HMGN3: variants seen among roughly 807,000 people sequenced by gnomAD.
HMGN3 encodes high mobility group nucleosomal binding domain 3.
In HMGN3, 6 loss-of-function variants were observed where a neutral mutation model predicts 18.8. The observed-to-expected ratio is 0.32, with a 90% CI of 0.18 to 0.63. HMGN3 has a LOEUF of 0.63. Ranked by LOEUF, HMGN3 falls within the 30% of genes least tolerant of loss-of-function variation. The pLI is 0.79. For missense variants in HMGN3, 107 were observed against 114.2 expected (o/e 0.94, Z 0.29); for synonymous variants, 40 against 36.5 (o/e 1.10, Z -0.35).
At chr6:79,221,626 C>T (rs1243048583) in intron 1 of HMGN3, among the ~76,000 whole-genome samples, 2 of 152,188 alleles carry the variant, frequency 1.3e-5, no homozygotes, top group African/African-American at 4.8e-5. Flanking sequence ...TCCCTCCAAA[C>T]TCAAGAAGGT....
intron 2 of HMGN3, 54 bp from the exon 3 acceptor site, chr6:79,208,630 G>C (rs1776536976): frequency 1.5e-6 from 2 of 1,376,178 alleles, no homozygotes. Flanking sequence ...ATAAAACGAA[G>C]TTGATTTTTA....
At chr6:79,232,272 C>G (rs1582455384) in intron 1 of HMGN3, among the ~76,000 whole-genome samples, 5 of 152,286 alleles carry the variant, frequency 3.3e-5, no homozygotes, top group African/African-American at 2.4e-5. Flanking sequence ...TGGTTCCTCA[C>G]ATAAGTTCCA....
intron 2 of HMGN3, among the ~76,000 whole-genome samples, chr6:79,208,857 T>A (rs889672661): frequency 3.9e-5 from 6 of 152,200 alleles, no homozygotes; most frequent in African/African-American, 1.4e-4. Flanking sequence ...GAAGATCAAC[T>A]TAGGCTTTAT....
At chr6:79,219,418 A>G (rs1777159376) in intron 1 of HMGN3, among the ~76,000 whole-genome samples, 1 of 152,188 alleles carries the variant, frequency 6.6e-6, no homozygotes, top group African/African-American at 2.4e-5. Context: ...ACTTCCAACA[A>G]AGCATTTCTT....
At chr6:79,205,726 T>C (rs1164908693) in intron 3 of HMGN3, among the ~76,000 whole-genome samples, 1 of 151,982 alleles carries the variant, frequency 6.6e-6, no homozygotes, top group Admixed American at 6.5e-5. Context: ...CAGACAGAGG[T>C]TGGAACAGTT....
intron 1 of HMGN3, among the ~76,000 whole-genome samples, chr6:79,230,827 A>G (rs1386626915): frequency 6.6e-6 from 1 of 152,106 alleles, no homozygotes; most frequent in Non-Finnish European, 1.5e-5. Flanking sequence ...AGCCAAATTT[A>G]TCTGTGTTTT....
chr6:79,202,497 T>A (rs1022035504), intron 4 of HMGN3, 108 bp from the exon 5 acceptor site: 8 of 910,018 alleles, frequency 8.8e-6, no homozygotes, highest in African/African-American at 1.6e-5. Flanking sequence ...ACCGTTACCA[T>A]CATGGTGGCC....
At chr6:79,221,187 T>G (rs1178203468) in intron 1 of HMGN3, among the ~76,000 whole-genome samples, 1 of 152,220 alleles carries the variant, frequency 6.6e-6, no homozygotes, top group Admixed American at 6.5e-5. Flanking sequence ...TTTTTTCTAT[T>G]TCTTCAATAT....
intron 1 of HMGN3, chr6:79,234,079 C>G (rs940908153): frequency 3.2e-5 from 5 of 156,040 alleles, no homozygotes; most frequent in Non-Finnish European, 2.8e-5. Context: ...GCCACCGCAG[C>G]GCACCCAGCC....
At chr6:79,202,893 A>G (rs1321345916) in intron 4 of HMGN3, among the ~76,000 whole-genome samples, 1 of 152,178 alleles carries the variant, frequency 6.6e-6, no homozygotes, top group African/African-American at 2.4e-5. Flanking sequence ...TTTTAAGACC[A>G]AACAACAAAA....
chr6:79,234,615 C>G, exon 1 of HMGN3: 1 of 1,587,972 alleles, frequency 6.3e-7, no homozygotes, highest in Non-Finnish European at 8.6e-7. Context: ...CTGCTGGCGC[C>G]GCCGCTGGAT....
In HMGN3 at chr6:79,201,453, C is replaced by A. The variant is rs1001872542; in HGVS notation, c.*235G>T. 8.2e-6 allele frequency: 4 copies of A among 490,108 alleles called. No individual in the cohort carries two copies. The Middle Eastern group carries it at 1.7e-3, about 202-fold the overall frequency. The allele number at this position is 490,108 out of a possible 1,614,324, so 30.4% of individuals were successfully genotyped here. On this transcript the variant is annotated 3_prime_UTR_variant, in exon 6 of 6. Coordinates refer to ENST00000344726, the Ensembl canonical transcript of HMGN3. ...AATTTTAAAGCAAGTGCATGGAATG[C>A]TGAATCAATCTTACACACAGCTTCC...
rs573350971 is a variant in HMGN3 at position 79,201,442 on chromosome 6, T to C, written c.*246A>G. 5.5e-4 allele frequency: 265 copies of C among 477,704 alleles called. 1 individual carries two copies. Among genetic ancestry groups the C allele is most frequent in the African/African-American group, 4.9e-3 (250 of 51,544 alleles). The allele number at this position is 477,704 out of a possible 1,614,324, so 29.6% of individuals were successfully genotyped here. A position where few individuals can be genotyped will look rare whatever the true frequency, so the allele number is the denominator to read the frequency against. ...GCACAGGACTAAATTTTAAAGCAAG[T>C]GCATGGAATGCTGAATCAATCTTAC... On this transcript the variant is annotated 3_prime_UTR_variant, in exon 6 of 6. Transcript: ENST00000344726.
intron 5 of HMGN3, 30 bp from the exon 7 acceptor site, chr6:79,201,756 T>TCC: frequency 6.2e-7 from 1 of 1,603,292 alleles, no homozygotes; most frequent in South Asian, 1.1e-5. Context: ...AAAAAACATA[T>TCC]AGTTACTACT....
intron 2 of HMGN3, among the ~76,000 whole-genome samples, chr6:79,211,465 G>GT (rs58861121): frequency 1.1e-3 from 155 of 135,340 alleles, no homozygotes; most frequent in African/African-American, 3.8e-3. Context: ...AATTTCTCTT[G>GT]TTTTTTTTTT....
chr6:79,203,229 A>G (rs1051118386), intron 4 of HMGN3, among the ~76,000 whole-genome samples: 7 of 152,208 alleles, frequency 4.6e-5, no homozygotes, highest in African/African-American at 1.7e-4. Context: ...AGATGAAGTC[A>G]GAAGCCCCTT....
At chr6:79,209,547 A>G (rs1453374484) in intron 2 of HMGN3, among the ~76,000 whole-genome samples, 1 of 152,242 alleles carries the variant, frequency 6.6e-6, no homozygotes, top group Admixed American at 6.5e-5. Context: ...GTATTTGCTG[A>G]ATAAATGAAT....
intron 2 of HMGN3, among the ~76,000 whole-genome samples, chr6:79,209,432 T>TA (rs996197056): frequency 3.3e-5 from 5 of 152,168 alleles, no homozygotes; most frequent in African/African-American, 1.2e-4. Context: ...ACTGCCTTTT[T>TA]AAAAAAAGTG....
chr6:79,231,391 C>T (rs1046721910), intron 1 of HMGN3, among the ~76,000 whole-genome samples: 10 of 152,150 alleles, frequency 6.6e-5, no homozygotes, highest in African/African-American at 2.4e-4. Flanking sequence ...TGTAATTCCA[C>T]TCACCCACCA....
Sources: allele counts gnomAD v4.1 joint callset (sites outside exome capture counted in the v4.1 genomes callset), GRCh38; gene constraint gnomAD v4.1.1; transcripts MANE v1.5; gene names NCBI Gene and HGNC (gene_info 2026-07-23, HGNC 2026-07-21).